Variants in MRC1 observed in about 807,000 individuals in gnomAD.
MRC1 encodes mannose receptor C-type 1.
Under a neutral mutation model 102.9 loss-of-function variants are expected in MRC1, and 62 were observed. The observed-to-expected ratio is 0.60, with a 90% CI of 0.49 to 0.74. The LOEUF is 0.74. MRC1 is among the 30% of genes least tolerant of loss of function. MRC1 has a pLI of 0.00. For synonymous variants in MRC1, 457 were observed against 298.4 expected, an observed-to-expected ratio of 1.53 and a Z score of -5.48; for missense variants, 1,237 against 862.8, an observed-to-expected ratio of 1.43 and a Z score of -5.43.
At chr10:17,907,356 T>C (rs1554843954) in intron 27 of MRC1, among the ~76,000 whole-genome samples, 178 bp from the exon 28 acceptor site, 1 of 152,228 alleles carries the variant, frequency 6.6e-6, no homozygotes, top group African/African-American at 2.4e-5. Context: ...CCTATTCTTT[T>C]TCGTTTCCTT....
chr10:17,900,734 G>T (rs1833818034), intron 24 of MRC1, 54 bp from the exon 25 acceptor site: 4 of 780,258 alleles, frequency 5.1e-6, no homozygotes, highest in Admixed American at 5.1e-5. Flanking sequence ...GGTTCTTTTA[G>T]TATTTTCTAA....
chr10:17,874,010 A>G (rs1833391454), intron 16 of MRC1, among the ~76,000 whole-genome samples, 185 bp downstream of exon 16: 1 of 152,188 alleles, frequency 6.6e-6, no homozygotes, highest in Non-Finnish European at 1.5e-5. Context: ...CCCAAACATA[A>G]GGCATGTTAA....
At chr10:17,893,123 C>T (rs971792696) in intron 22 of MRC1, among the ~76,000 whole-genome samples, 10 of 151,950 alleles carry the variant, frequency 6.6e-5, no homozygotes, top group African/African-American at 2.2e-4. Flanking sequence ...TTTCTGGCTT[C>T]CCTCAGCCCT....
At chr10:17,842,115 A>G (rs1838760904) in intron 5 of MRC1, among the ~76,000 whole-genome samples, 1 of 152,116 alleles carries the variant, frequency 6.6e-6, no homozygotes, top group East Asian at 1.9e-4. Context: ...AGCATGCACC[A>G]CCATGCCTGG....
At chr10:17,858,890 G>A (rs899394294) in intron 9 of MRC1, among the ~76,000 whole-genome samples, 24 of 152,276 alleles carry the variant, frequency 1.6e-4, no homozygotes, top group African/African-American at 4.6e-4. Flanking sequence ...AGTTTTATTC[G>A]CTGCTTCTGA....
chr10:17,852,827 G>C, intron 7 of MRC1, 140 bp from the exon 8 acceptor site: 1 of 754,366 alleles, frequency 1.3e-6, no homozygotes, highest in Non-Finnish European at 2.5e-6. Flanking sequence ...GAGCACTCAT[G>C]AGGACTATCT....
chr10:17,837,838 T>G (rs2130620552), intron 4 of MRC1, among the ~76,000 whole-genome samples: 1 of 152,158 alleles, frequency 6.6e-6, no homozygotes, highest in South Asian at 2.1e-4. Flanking sequence ...TGAGCTCAGC[T>G]GATCTACCAG....
chr10:17,855,484 T>C (rs1589180082), intron 8 of MRC1, among the ~76,000 whole-genome samples: 2 of 136,434 alleles, frequency 1.5e-5, no homozygotes, highest in African/African-American at 5.6e-5. Flanking sequence ...GGCAGGAAAA[T>C]GGTGTGAACC....
chr10:17,846,228 C>T (rs532513290), intron 6 of MRC1, among the ~76,000 whole-genome samples: 10 of 151,692 alleles, frequency 6.6e-5, no homozygotes, highest in African/African-American at 2.2e-4. Flanking sequence ...TTTTAAATAT[C>T]GGCTAGACTT....
chr10:17,866,115 C>A (rs1036734818), intron 11 of MRC1, among the ~76,000 whole-genome samples: 1 of 152,094 alleles, frequency 6.6e-6, no homozygotes, highest in Non-Finnish European at 1.5e-5. Flanking sequence ...AAGTTCAGAG[C>A]GTTTGAGTAA....
In MRC1 at chr10:17,897,012, G is replaced by C. The variant is rs1386608910; in HGVS notation, c.3251-1022G>C. On this transcript the variant is annotated intron_variant, in intron 23 of 29. Transcript: ENST00000569591. ...AATAGTCAACTCTGCTGTGGTCACA[G>C]ATGATCATAGGCAATACACAAACAA... is the stretch of plus-strand genomic sequence containing the variant. Among the ~76,000 whole-genome samples the C allele has an allele frequency of 3.9e-4, 60 of 152,310 alleles. 2 individuals carry two copies. The South Asian group carries it at 0.012, about 32-fold the overall frequency.
At chr10:17,833,910 C>T in intron 4 of MRC1, 71 bp downstream of exon 4, 1 of 764,406 alleles carries the variant, frequency 1.3e-6, no homozygotes, top group Non-Finnish European at 2.4e-6. Flanking sequence ...TAGAAGTCAA[C>T]AGCACAAGTG....
intron 7 of MRC1, among the ~76,000 whole-genome samples, chr10:17,851,290 T>C (rs1838912630): frequency 1.3e-5 from 2 of 152,294 alleles, no homozygotes; most frequent in East Asian, 1.9e-4. Context: ...TTAAAAATTA[T>C]TGATAAGATT....
intron 1 of MRC1, among the ~76,000 whole-genome samples, chr10:17,818,061 GATAA>G (rs1437544405): frequency 6.6e-6 from 1 of 152,128 alleles, no homozygotes; most frequent in Non-Finnish European, 1.5e-5. Context: ...AATGGCAAAA[GATAA>G]ATAAAGGAAA....
intron 2 of MRC1, among the ~76,000 whole-genome samples, chr10:17,824,221 A>G (rs1838440350): frequency 6.6e-6 from 1 of 152,200 alleles, no homozygotes; most frequent in Non-Finnish European, 1.5e-5. Flanking sequence ...CAGAAAACAA[A>G]ACAAAAATAC....
At chr10:17,842,914 C>T (rs924216743) in intron 5 of MRC1, among the ~76,000 whole-genome samples, 5 of 152,090 alleles carry the variant, frequency 3.3e-5, no homozygotes, top group African/African-American at 9.7e-5. Context: ...AATCACCTTG[C>T]GAAATAGTAT....
At chr10:17,891,958 C>T (rs1211191097) in intron 22 of MRC1, among the ~76,000 whole-genome samples, 2 of 152,042 alleles carry the variant, frequency 1.3e-5, no homozygotes, top group Admixed American at 6.5e-5. Context: ...CTGTGACCTT[C>T]GAAAGTGCTT....
chr10:17,852,955 C>A lies in MRC1; in HGVS notation c.1250-12C>A. ...CCCTTGTATATACCACTGTGTGTTT[C>A]TTCCTGTTTAGAGCCAAATGACGAA... On this transcript the variant is annotated splice_polypyrimidine_tract_variant and intron_variant, in intron 7 of 29. Coordinates refer to ENST00000569591, the MANE Select transcript of MRC1 (RefSeq NM_002438.4). The A allele has an allele frequency of 1.3e-6, 1 of 780,754 alleles. No individual in the cohort carries two copies. The highest frequency in any genetic ancestry group is 2.4e-6 in the Non-Finnish European group (1 of 417,922). The allele number at this position is 780,754 out of a possible 1,614,324, so 48.4% of individuals were successfully genotyped here.
chr10:17,850,205 T>C (rs965445265), intron 7 of MRC1, among the ~76,000 whole-genome samples: 4 of 151,640 alleles, frequency 2.6e-5, no homozygotes, highest in African/African-American at 9.7e-5. Context: ...TCTTTTTTCT[T>C]TGTGAATTTA....
Sources: gnomAD v4.1 joint callset for allele counts (sites outside exome capture counted in the v4.1 genomes callset) on GRCh38, gnomAD v4.1.1 for gene constraint, MANE v1.5 for transcripts, NCBI Gene and HGNC (gene_info 2026-07-23, HGNC 2026-07-21) for gene names.